The following GDAP2 variants were observed in gnomAD, a reference collection of about 807,000 sequenced individuals.
GDAP2 encodes ganglioside induced differentiation associated protein 2.
In GDAP2, 51 loss-of-function variants were observed where a neutral mutation model predicts 67.0. The ratio of observed to expected loss-of-function variants is 0.76; its 90% confidence interval spans 0.61 to 0.96. The LOEUF (loss-of-function observed/expected upper bound fraction) is 0.96. GDAP2 is among the 40% of genes least tolerant of loss of function. GDAP2 has a pLI of 0.00. For missense variants in GDAP2, 547 were observed against 588.3 expected, an observed-to-expected ratio of 0.93 and a Z score of 0.73; for synonymous variants, 203 against 207.3, an observed-to-expected ratio of 0.98 and a Z score of 0.18.
chr1:117,882,202 G>T (rs1648673674), intron 11 of GDAP2, among the ~76,000 whole-genome samples: 1 of 152,092 alleles, frequency 6.6e-6, no homozygotes, highest in Non-Finnish European at 1.5e-5. Flanking sequence ...TGGGATCAGA[G>T]TTAAACAGCA....
At chr1:117,875,946 T>G (rs753708587) in intron 13 of GDAP2, among the ~76,000 whole-genome samples, 1 of 152,190 alleles carries the variant, frequency 6.6e-6, no homozygotes, top group Non-Finnish European at 1.5e-5. Context: ...AGTCTCCAGA[T>G]GAGACTTTGG....
chr1:117,875,211 AG>A (rs1378480008), intron 13 of GDAP2, among the ~76,000 whole-genome samples: 1 of 152,218 alleles, frequency 6.6e-6, no homozygotes, highest in African/African-American at 2.4e-5. Flanking sequence ...CCAGAGGACT[AG>A]GAAGACAGAA....
intron 8 of GDAP2, among the ~76,000 whole-genome samples, chr1:117,896,213 A>G (rs1405515650): frequency 1.3e-5 from 2 of 152,210 alleles, no homozygotes. Context: ...AAGGTAATGG[A>G]TAGTAGACAT....
rs1477554038 is a variant in GDAP2 at position 117,883,506 on chromosome 1, TAGA to T, written c.1226_1228del (p.Leu409_Tyr410delinsHis). On this transcript the variant is annotated inframe_deletion, in exon 11 of 14. Coordinates refer to ENST00000369443, the MANE Select transcript of GDAP2 (RefSeq NM_017686.4). ...AACTAACTTGACATCAACAACATCGTAGAGTTTCTTCAGGAAGTCGGAGTCCAG... is the reference window on the plus strand; with the variant it reads ...AACTAACTTGACATCAACAACATCGTGTTTCTTCAGGAAGTCGGAGTCCAG... The T allele has an allele frequency of 6.2e-7, 1 of 1,612,456 alleles. No homozygotes were observed. The highest frequency in any genetic ancestry group is 8.5e-7 in the Non-Finnish European group (1 of 1,178,976).
At position 117,865,257 on chromosome 1, in the gene GDAP2, C is replaced by T. The variant is rs1648019276; in HGVS notation, c.*5312G>A. On this transcript the variant is annotated 3_prime_UTR_variant, in exon 14 of 14. Coordinates refer to ENST00000369443, the MANE Select transcript of GDAP2 (RefSeq NM_017686.4). ...CATGTAAATGGTCAAAAAATAATGTCCCATCCTGGGGTTCAATATAAACAC... is the reference window on the plus strand; with the variant it reads ...CATGTAAATGGTCAAAAAATAATGTTCCATCCTGGGGTTCAATATAAACAC... 1 of 152,142 alleles carries T rather than the reference C, an allele frequency of 6.6e-6. No homozygotes were observed. The highest frequency in any genetic ancestry group is 1.5e-5 in the Non-Finnish European group (1 of 68,028). The allele number at this position is 152,142 out of a possible 1,614,324, so 9.4% of individuals were successfully genotyped here.
intron 1 of GDAP2, among the ~76,000 whole-genome samples, chr1:117,927,457 T>C (rs1650490473): frequency 6.6e-6 from 1 of 152,172 alleles, no homozygotes; most frequent in African/African-American, 2.4e-5. Context: ...TCTTTCAAAA[T>C]GCTTACATTG....
intron 6 of GDAP2, among the ~76,000 whole-genome samples, chr1:117,903,988 TTTTC>T (rs946200276): frequency 2.0e-5 from 3 of 151,634 alleles, no homozygotes; most frequent in African/African-American, 4.9e-5. Context: ...TATGATTTTT[TTTTC>T]TTTTTTTTTT....
At chr1:117,886,411 A>G (rs577436963) in intron 10 of GDAP2, among the ~76,000 whole-genome samples, 166 bp downstream of exon 10, 2 of 152,294 alleles carry the variant, frequency 1.3e-5, no homozygotes, top group South Asian at 4.1e-4. Flanking sequence ...TCAAACCCCT[A>G]ATCGAACTGA....
At chr1:117,927,464 A>G (rs1650490612) in intron 1 of GDAP2, among the ~76,000 whole-genome samples, 1 of 152,214 alleles carries the variant, frequency 6.6e-6, no homozygotes, top group Non-Finnish European at 1.5e-5. Flanking sequence ...AAATGCTTAC[A>G]TTGATCAGAC....
intron 1 of GDAP2, among the ~76,000 whole-genome samples, chr1:117,922,827 C>G (rs185358665): frequency 2.0e-5 from 3 of 152,336 alleles, no homozygotes; most frequent in African/African-American, 7.2e-5. Flanking sequence ...GAGCAGAGAA[C>G]CGGTCTGACT....
chr1:117,893,188 C>T (rs1649151185), intron 8 of GDAP2, among the ~76,000 whole-genome samples: 1 of 151,928 alleles, frequency 6.6e-6, no homozygotes, highest in African/African-American at 2.4e-5. Flanking sequence ...GAATCTTAAG[C>T]CAGTCAAGTA....
intron 13 of GDAP2, chr1:117,877,611 G>A (rs900069786): frequency 8.8e-5 from 87 of 990,554 alleles, no homozygotes; most frequent in Non-Finnish European, 1.0e-4. Context: ...AGACTACTGA[G>A]ATAGGCCACA....
intron 1 of GDAP2, among the ~76,000 whole-genome samples, chr1:117,924,338 G>A (rs889270215): frequency 3.3e-5 from 5 of 152,064 alleles, no homozygotes; most frequent in African/African-American, 7.2e-5. Flanking sequence ...TTGTGTCCAC[G>A]TGTTCTCATT....
At chr1:117,888,385 C>A (rs1443905857) in intron 8 of GDAP2, among the ~76,000 whole-genome samples, 1 of 152,084 alleles carries the variant, frequency 6.6e-6, no homozygotes, top group African/African-American at 2.4e-5. Context: ...CAGACCAGAT[C>A]ATATGGACTG....
At chr1:117,920,050 A>C in intron 2 of GDAP2, 132 bp downstream of exon 2, 2 of 534,630 alleles carry the variant, frequency 3.7e-6, no homozygotes, top group East Asian at 6.0e-5. Context: ...TTAAATGTCA[A>C]TTATACCTCA....
chr1:117,918,100 A>G (rs1218347169), intron 3 of GDAP2, among the ~76,000 whole-genome samples: 4 of 152,228 alleles, frequency 2.6e-5, no homozygotes, highest in Non-Finnish European at 4.4e-5. Context: ...GCAAGATTTC[A>G]TATAGGTTAA....
chr1:117,870,660 A>G, intron 13 of GDAP2, 44 bp from the exon 14 acceptor site: 1 of 1,241,040 alleles, frequency 8.1e-7, no homozygotes, highest in Non-Finnish European at 1.2e-6. Context: ...TAACAGAACC[A>G]ATTTAACTGG....
At chr1:117,907,694 T>G (rs1234137231) in intron 5 of GDAP2, among the ~76,000 whole-genome samples, 2 of 152,214 alleles carry the variant, frequency 1.3e-5, no homozygotes, top group Non-Finnish European at 2.9e-5. Context: ...TCCTTTCTTT[T>G]GGCTGCTTTC....
At chr1:117,927,511 A>T (rs189970478) in intron 1 of GDAP2, among the ~76,000 whole-genome samples, 1 of 152,210 alleles carries the variant, frequency 6.6e-6, no homozygotes, top group Non-Finnish European at 1.5e-5. Flanking sequence ...GAGCTGGTGC[A>T]TGCACTTGAC....
Sources: allele counts gnomAD v4.1 joint callset (sites outside exome capture counted in the v4.1 genomes callset), GRCh38; gene constraint gnomAD v4.1.1; transcripts MANE v1.5; gene names NCBI Gene and HGNC (gene_info 2026-07-23, HGNC 2026-07-21).